AP3M1: variants seen among roughly 807,000 people sequenced by gnomAD.
AP3M1 encodes AP-3 complex subunit mu-1.
Under a neutral mutation model 42.6 loss-of-function variants are expected in AP3M1, and 29 were observed. The observed-to-expected ratio is 0.68, with a 90% CI of 0.51 to 0.93. AP3M1 has a LOEUF of 0.93. AP3M1 is among the 40% of genes least tolerant of loss of function. AP3M1 has a pLI of 0.00. For synonymous variants in AP3M1, 178 were observed against 175.3 expected (o/e 1.02, Z -0.12); for missense variants, 416 against 510.2 (o/e 0.82, Z 1.78).
At chr10:74,148,080 A>C (rs140892090) in intron 1 of AP3M1, among the ~76,000 whole-genome samples, 345 of 152,314 alleles carry the variant, frequency 2.3e-3, no homozygotes, top group African/African-American at 7.8e-3. Context: ...AAATAGCAAG[A>C]AGTGTAAAAA....
At chr10:74,125,645 TAC>T (rs762863296) in intron 7 of AP3M1, among the ~76,000 whole-genome samples, 4 of 152,242 alleles carry the variant, frequency 2.6e-5, no homozygotes, top group Non-Finnish European at 4.4e-5. Flanking sequence ...AATCATCTGC[TAC>T]AGTTTCTCTG....
intron 1 of AP3M1, among the ~76,000 whole-genome samples, chr10:74,141,818 T>C (rs1841161925): frequency 6.6e-6 from 1 of 151,408 alleles, no homozygotes; most frequent in African/African-American, 2.4e-5. Flanking sequence ...GTTCACGAGA[T>C]TCTCCTGCCT....
chr10:74,123,845 C>A lies in AP3M1; in HGVS notation c.1222G>T (p.Val408Phe). Reference protein sequence around the residue: ...KYKPFKGVKYVTKAGKFQVRT With the variant: ...KYKPFKGVKYFTKAGKFQVRT ...ACTTGGAACTTTCCAGCTTTCGTGA[C>A]GTATTTGACTCCTTTAAATGGCTTA... The change falls in exon 9 of 9, where the codon GTC (valine) becomes TTC (phenylalanine). Residue 408 changes from valine (V) to phenylalanine (F), a missense_variant. By Grantham distance (50) the Val-to-Phe change is conservative. Coordinates refer to ENST00000355264, the MANE Select transcript of AP3M1 (RefSeq NM_012095.6). 6.2e-7 allele frequency: 1 copy of A among 1,614,134 alleles called. No individual in the cohort carries two copies. The highest frequency in any genetic ancestry group is 1.1e-5 in the South Asian group (1 of 91,084).
At chr10:74,136,571 T>C in intron 3 of AP3M1, 61 bp downstream of exon 3, 3 of 1,304,742 alleles carry the variant, frequency 2.3e-6, no homozygotes, top group Middle Eastern at 2.2e-4. Context: ...TCATGAGCAA[T>C]AATGAGTTGT....
intron 4 of AP3M1, among the ~76,000 whole-genome samples, chr10:74,132,584 T>C (rs1840812410): frequency 6.6e-6 from 1 of 151,638 alleles, no homozygotes; most frequent in Non-Finnish European, 1.5e-5. Flanking sequence ...TACCTCCTGA[T>C]TGGCTGGGAC....
At chr10:74,148,912 T>G (rs562590180) in intron 1 of AP3M1, among the ~76,000 whole-genome samples, 121 of 151,558 alleles carry the variant, frequency 8.0e-4, no homozygotes, top group Non-Finnish European at 1.3e-3. Context: ...CTTACTCTAT[T>G]GCCAGGCTGG....
intron 6 of AP3M1, among the ~76,000 whole-genome samples, chr10:74,126,757 G>C (rs550515807): frequency 6.6e-6 from 1 of 151,858 alleles, no homozygotes; most frequent in East Asian, 1.9e-4. Flanking sequence ...GGGAGGCTGA[G>C]GTGAGGAGTT....
chr10:74,137,057 T>C (rs772177438), intron 2 of AP3M1, among the ~76,000 whole-genome samples: 15 of 152,146 alleles, frequency 9.9e-5, no homozygotes, highest in Non-Finnish European at 1.8e-4. Context: ...CTGGCCAACA[T>C]GGTGAAACCC....
intron 3 of AP3M1, among the ~76,000 whole-genome samples, chr10:74,134,662 T>C (rs1840889807): frequency 6.6e-6 from 1 of 152,196 alleles, no homozygotes; most frequent in Non-Finnish European, 1.5e-5. Context: ...GGCTGCAATA[T>C]AGCTAGTATT....
Position 74,133,815 on chromosome 10 carries a change from C to T in AP3M1, c.583+212G>A, listed in dbSNP as rs555932812. 3.0e-4 allele frequency among the ~76,000 whole-genome samples: 45 copies of T among 151,930 alleles called. 1 individual carries two copies. The highest frequency in any genetic ancestry group is 2.7e-3 in the East Asian group (14 of 5,130). On this transcript the variant is annotated intron_variant, in intron 4 of 8. Coordinates refer to ENST00000355264, the MANE Select transcript of AP3M1 (RefSeq NM_012095.6). Reference sequence around the variant, plus strand: ...GATTACAGGTGCGCGCCACCATGCCCGGCTAATTTTTTGTATCTTTAGTAG... The same window carrying T: ...GATTACAGGTGCGCGCCACCATGCCTGGCTAATTTTTTGTATCTTTAGTAG...
Position 74,128,048 on chromosome 10 carries a change from C to T in AP3M1, c.803+1060G>A, listed in dbSNP as rs534222530. 5.0e-5 allele frequency among the ~76,000 whole-genome samples: 7 copies of T among 139,686 alleles called. No individual in the cohort carries two copies. The East Asian group carries it at 1.3e-3, about 25-fold the overall frequency. 91.6% of individuals were successfully genotyped at this position (139,686 alleles called of 152,430 possible). A position where few individuals can be genotyped will look rare whatever the true frequency, so the allele number is the denominator to read the frequency against. ...CCTGGAGGTGGAGGTTGCAGTAAGC[C>T]GAGATTTCACCATTGCACTCCAGCC... On this transcript the variant is annotated intron_variant, in intron 6 of 8. Transcript: ENST00000355264.
rs748160006 is a variant in AP3M1, at chr10:74,126,207, C to T, written c.952G>A (p.Val318Met). ...ITVTVHMPKV[V>M]LNMNLTPTQG... ...GTGGGTGTCAGGTTCATGTTCAGCACAACTTTTGGCATGTGAACTGTCACT... is the reference window on the plus strand; with the variant it reads ...GTGGGTGTCAGGTTCATGTTCAGCATAACTTTTGGCATGTGAACTGTCACT... Residue 318 changes from valine (V) to methionine (M), a missense_variant, in exon 7 of 9, where the codon GTG (valine) becomes ATG (methionine). Coordinates refer to ENST00000355264, the MANE Select transcript of AP3M1 (RefSeq NM_012095.6). 7 of 1,614,220 alleles carry T rather than the reference C, an allele frequency of 4.3e-6. No individual in the cohort carries two copies. In the Admixed American group the frequency reaches 5.0e-5, roughly 12 times the overall value.
chr10:74,126,848 G>A (rs1264239408), intron 6 of AP3M1, among the ~76,000 whole-genome samples: 3 of 151,726 alleles, frequency 2.0e-5, no homozygotes, highest in East Asian at 3.9e-4. Context: ...GCTCATGCCT[G>A]TAGTCCCAGC....
chr10:74,147,034 G>C (rs1296328537), intron 1 of AP3M1, among the ~76,000 whole-genome samples: 1 of 152,184 alleles, frequency 6.6e-6, no homozygotes, highest in Non-Finnish European at 1.5e-5. Flanking sequence ...TATAATCCCA[G>C]CACTTTGGGA....
intron 1 of AP3M1, among the ~76,000 whole-genome samples, chr10:74,148,804 G>A (rs553607025): frequency 1.3e-5 from 2 of 151,732 alleles, no homozygotes; most frequent in South Asian, 2.1e-4. Flanking sequence ...TGATTTTCCC[G>A]CCTCACCCAC....
At chr10:74,126,573 C>A (rs888221183) in intron 6 of AP3M1, among the ~76,000 whole-genome samples, 1 of 152,022 alleles carries the variant, frequency 6.6e-6, no homozygotes, top group African/African-American at 2.4e-5. Flanking sequence ...ATTGGCCAGG[C>A]GTGGTGGCTC....
chr10:74,137,085 C>T (rs975949217), intron 2 of AP3M1, among the ~76,000 whole-genome samples: 3 of 152,060 alleles, frequency 2.0e-5, no homozygotes, highest in Non-Finnish European at 2.9e-5. Context: ...ACTAAAAATA[C>T]AAAAATTAGC....
At chr10:74,137,014 T>C (rs1327126934) in intron 2 of AP3M1, among the ~76,000 whole-genome samples, 1 of 152,164 alleles carries the variant, frequency 6.6e-6, no homozygotes, top group Non-Finnish European at 1.5e-5. Context: ...CTGAGGCGGA[T>C]GCATCACTTG....
Position 74,122,066 on chromosome 10 carries a change from T to G in AP3M1, c.*1744A>C, listed in dbSNP as rs1840480131. On this transcript the variant is annotated 3_prime_UTR_variant, in exon 9 of 9. Transcript: ENST00000355264. ...TACGAACTCTGAAGAGTCAAGACAT[T>G]AAAAATAAAAAGCAATTGAACCGGG... is the stretch of plus-strand genomic sequence containing the variant. 6.6e-6 allele frequency: 1 copy of G among 152,058 alleles called. No homozygotes were observed. The highest frequency in any genetic ancestry group is 2.1e-4 in the South Asian group (1 of 4,814). 9.4% of individuals were successfully genotyped at this position (152,058 alleles called of 1,614,324 possible).
Sources: gnomAD v4.1 joint callset for allele counts (sites outside exome capture counted in the v4.1 genomes callset) on GRCh38, gnomAD v4.1.1 for gene constraint, MANE v1.5 for transcripts, NCBI Gene and HGNC (gene_info 2026-07-23, HGNC 2026-07-21) for gene names.